DPT: variants seen among roughly 807,000 people sequenced by gnomAD.
DPT encodes the protein tyrosine-rich acidic matrix protein.
In DPT, 21 loss-of-function variants were observed where a neutral mutation model predicts 31.2. That is an observed-to-expected ratio of 0.67 (90% CI 0.48 to 0.97). DPT has a LOEUF of 0.97. Ranked by LOEUF, DPT falls within the 50% of genes least tolerant of loss-of-function variation. The probability of loss-of-function intolerance (pLI) is 0.00; values close to 1 mark genes in which losing one functional copy is unlikely to be tolerated. For synonymous variants in DPT, 91 were observed against 86.9 expected (o/e 1.05, Z -0.26); for missense variants, 262 against 258.8 (o/e 1.01, Z -0.08).
At position 168,700,159 on chromosome 1, in the gene DPT, C is replaced by A. The variant is rs545408848; in HGVS notation, c.539+858G>T. Among the ~76,000 whole-genome samples the A allele has an allele frequency of 3.3e-5, 5 of 152,068 alleles. No homozygotes were observed. The East Asian group carries it at 5.8e-4, about 18-fold the overall frequency. Reference sequence around the variant, plus strand: ...AATGTGATAGTATTAGGAGGAGGAGCCTTTAGGGGGGTGATTAAGCCATGA... The same window carrying A: ...AATGTGATAGTATTAGGAGGAGGAGACTTTAGGGGGGTGATTAAGCCATGA... On this transcript the variant is annotated intron_variant, in intron 3 of 3. Transcript: ENST00000367817.
intron 2 of DPT, 90 bp from the exon 3 acceptor site, chr1:168,701,214 G>A (rs1169941762): frequency 4.0e-6 from 4 of 1,010,210 alleles, no homozygotes; most frequent in East Asian, 4.9e-5. Flanking sequence ...AAGAGATGGA[G>A]TTTGAGCATC....
At chr1:168,720,529 A>G (rs1417384820) in intron 1 of DPT, among the ~76,000 whole-genome samples, 1 of 152,198 alleles carries the variant, frequency 6.6e-6, no homozygotes, top group Non-Finnish European at 1.5e-5. Flanking sequence ...AGGTAAAAGG[A>G]AGCAGCACCA....
At chr1:168,718,025 C>T (rs1408581983) in intron 1 of DPT, among the ~76,000 whole-genome samples, 2 of 152,150 alleles carry the variant, frequency 1.3e-5, no homozygotes, top group East Asian at 3.8e-4. Context: ...CATATGTGTC[C>T]AAAAAGAGAA....
intron 1 of DPT, among the ~76,000 whole-genome samples, chr1:168,723,908 TCACC>T (rs1650178180): frequency 2.0e-5 from 3 of 152,218 alleles, no homozygotes; most frequent in African/African-American, 7.2e-5. Flanking sequence ...TGTATACTCT[TCACC>T]CAGGTTCCTC....
At chr1:168,718,972 T>C (rs1650042346) in intron 1 of DPT, among the ~76,000 whole-genome samples, 1 of 152,194 alleles carries the variant, frequency 6.6e-6, no homozygotes. Flanking sequence ...TGAGGTTGGA[T>C]GTCTTAGCCA....
rs1204560901 is a variant in DPT at position 168,701,039 on chromosome 1, T to C, written c.517A>G (p.Thr173Ala). The C allele has an allele frequency of 6.2e-7, 1 of 1,613,770 alleles. No homozygotes were observed. The highest frequency in any genetic ancestry group is 1.7e-5 in the Admixed American group (1 of 60,014). Residue 173 changes from threonine (T) to alanine (A), a missense_variant, in exon 3 of 4, where the codon ACC becomes GCC. Physicochemically the swap from Thr to Ala is moderately conservative, Grantham distance 58. Coordinates refer to ENST00000367817, the MANE Select transcript of DPT (RefSeq NM_001937.5). ...NYDYYIRGAT[T>A]TFSAVERDRQ... ...CACCTTTCCACTGCAGAGAAAGTGG[T>C]TGTTGCTCCTCGGATATAGTAATCA...
intron 2 of DPT, among the ~76,000 whole-genome samples, chr1:168,709,006 CAG>C (rs1649788126): frequency 6.6e-6 from 1 of 152,158 alleles, no homozygotes; most frequent in Admixed American, 6.5e-5. Flanking sequence ...GACTTGCACA[CAG>C]AGAGTGGGGA....
chr1:168,702,937 A>G (rs1252101905), intron 2 of DPT, among the ~76,000 whole-genome samples: 3 of 152,170 alleles, frequency 2.0e-5, no homozygotes, highest in African/African-American at 7.2e-5. Flanking sequence ...AAGTAGAACT[A>G]ATAGGGCCTT....
intron 2 of DPT, among the ~76,000 whole-genome samples, chr1:168,702,588 G>A (rs1253665179): frequency 6.6e-6 from 1 of 150,852 alleles, no homozygotes; most frequent in Non-Finnish European, 1.5e-5. Flanking sequence ...TCCAGAAGCA[G>A]GACTTTACCT....
At chr1:168,700,121 G>A (rs1399761513) in intron 3 of DPT, among the ~76,000 whole-genome samples, 1 of 152,022 alleles carries the variant, frequency 6.6e-6, no homozygotes, top group Non-Finnish European at 1.5e-5. Context: ...TTATATATTG[G>A]AACCTAATAC....
At chr1:168,728,805 C>T (rs1359972817) in intron 1 of DPT, 65 bp downstream of exon 1, 2 of 1,563,178 alleles carry the variant, frequency 1.3e-6, no homozygotes, top group East Asian at 2.3e-5. Flanking sequence ...AGTCTAGCAG[C>T]CCCCAGGAGG....
At chr1:168,728,442 T>C (rs1650295779) in intron 1 of DPT, among the ~76,000 whole-genome samples, 2 of 152,358 alleles carry the variant, frequency 1.3e-5, no homozygotes, top group South Asian at 4.1e-4. Flanking sequence ...GCCAGTACTT[T>C]TGTAAAATGG....
chr1:168,718,937 G>A (rs749381427), intron 1 of DPT, among the ~76,000 whole-genome samples: 3 of 152,170 alleles, frequency 2.0e-5, no homozygotes, highest in African/African-American at 7.2e-5. Context: ...TCCCTGAGCT[G>A]CTGTTTCCCT....
intron 1 of DPT, among the ~76,000 whole-genome samples, chr1:168,725,215 A>ATTTCTTTCCTTTCCTTTCCT (rs1650211392): frequency 9.0e-6 from 1 of 110,716 alleles, no homozygotes; most frequent in Non-Finnish European, 1.8e-5. Flanking sequence ...TTTCCTTTCC[A>ATTTCTTTCCTTTCCTTTCCT]TTCCTTTCCT....
chr1:168,701,283 A>C (rs1180003445), intron 2 of DPT, among the ~76,000 whole-genome samples, 159 bp from the exon 3 acceptor site: 4 of 152,148 alleles, frequency 2.6e-5, no homozygotes, highest in Non-Finnish European at 4.4e-5. Context: ...GCTGTGAAGA[A>C]ACAGACAGCT....
At position 168,714,261 on chromosome 1, in the gene DPT, A is replaced by G. The variant is rs1469676726; in HGVS notation, c.391T>C (p.Tyr131His). ...ESVLDREWQF[Y>H]CCRYSKRCPY... Reference sequence around the variant, plus strand: ...CACCTCTTGCTGTAGCGACAACAGTAAAACTGCCACTCCCGATCCAGCACT... The same window carrying G: ...CACCTCTTGCTGTAGCGACAACAGTGAAACTGCCACTCCCGATCCAGCACT... Residue 131 changes from tyrosine (Y) to histidine (H), a missense_variant, in exon 2 of 4, where the codon TAC (tyrosine) becomes CAC (histidine). Tyr to His is a moderately conservative substitution (Grantham distance 83). Transcript: ENST00000367817. 2 of 1,613,978 alleles carry G rather than the reference A, an allele frequency of 1.2e-6. No individual in the cohort carries two copies. The highest frequency in any genetic ancestry group is 8.5e-7 in the Non-Finnish European group (1 of 1,180,026).
intron 1 of DPT, among the ~76,000 whole-genome samples, chr1:168,718,356 AGTGTGT>A (rs1650032468): frequency 6.6e-6 from 1 of 152,260 alleles, no homozygotes; most frequent in Non-Finnish European, 1.5e-5. Flanking sequence ...CTGTACGGGA[AGTGTGT>A]GTCACTTTCT....
chr1:168,722,241 C>T (rs1231187414), intron 1 of DPT, among the ~76,000 whole-genome samples: 2 of 152,176 alleles, frequency 1.3e-5, no homozygotes, highest in South Asian at 2.1e-4. Flanking sequence ...AATGCTATCT[C>T]CGTGTCTATT....
At chr1:168,707,525 T>C (rs1014282333) in intron 2 of DPT, among the ~76,000 whole-genome samples, 9 of 152,122 alleles carry the variant, frequency 5.9e-5, no homozygotes, top group African/African-American at 1.7e-4. Context: ...CTTTTGAAGT[T>C]TGAACATAAG....
Sources: gnomAD v4.1 joint callset for allele counts (sites outside exome capture counted in the v4.1 genomes callset) on GRCh38, gnomAD v4.1.1 for gene constraint, MANE v1.5 for transcripts, NCBI Gene and HGNC (gene_info 2026-07-23, HGNC 2026-07-21) for gene names.